The following IFT88 variants were observed in gnomAD, a reference collection of about 807,000 sequenced individuals.
IFT88 encodes intraflagellar transport 88, also known as intraflagellar transport protein 88 homolog.
Under a neutral mutation model 119.5 loss-of-function variants are expected in IFT88, and 74 were observed. The observed-to-expected ratio is 0.62, with a 90% CI of 0.51 to 0.75. The LOEUF (loss-of-function observed/expected upper bound fraction) is 0.75. IFT88 is among the 30% of genes least tolerant of loss of function. The pLI is 0.00. For missense variants in IFT88, 961 were observed against 977.7 expected (o/e 0.98, Z 0.23); for synonymous variants, 279 against 316.7 (o/e 0.88, Z 1.26).
intron 22 of IFT88, among the ~76,000 whole-genome samples, chr13:20,662,574 T>C (rs1417569999): frequency 6.6e-6 from 1 of 152,244 alleles, no homozygotes; most frequent in Non-Finnish European, 1.5e-5. Context: ...GTAACTTTTA[T>C]TTTTTGTTTT....
chr13:20,619,283 A>G (rs1240575145), intron 14 of IFT88, among the ~76,000 whole-genome samples: 1 of 152,258 alleles, frequency 6.6e-6, no homozygotes, highest in Non-Finnish European at 1.5e-5. Context: ...AATTTAAAGA[A>G]TAGAACATTG....
chr13:20,597,464 G>GC (rs2041842390), intron 9 of IFT88, among the ~76,000 whole-genome samples: 1 of 152,118 alleles, frequency 6.6e-6, no homozygotes, highest in South Asian at 2.1e-4. Flanking sequence ...AAAATATGTA[G>GC]CCGGGTGCCG....
At chr13:20,663,201 C>A in intron 22 of IFT88, 1 of 1,311,668 alleles carries the variant, frequency 7.6e-7, no homozygotes, top group Non-Finnish European at 9.9e-7. Context: ...AGAACATTAA[C>A]AAATGTTACA....
At chr13:20,657,722 G>A (rs920855879) in intron 22 of IFT88, among the ~76,000 whole-genome samples, 1 of 152,086 alleles carries the variant, frequency 6.6e-6, no homozygotes, top group Non-Finnish European at 1.5e-5. Context: ...GAGGTCAGGA[G>A]TTGAAGACCA....
chr13:20,588,369 T>C (rs888706727), intron 3 of IFT88, among the ~76,000 whole-genome samples: 8 of 152,202 alleles, frequency 5.3e-5, no homozygotes, highest in African/African-American at 1.7e-4. Context: ...GTGTGATATT[T>C]GCATTATATG....
chr13:20,674,956 A>T (rs976193326), intron 24 of IFT88, among the ~76,000 whole-genome samples: 4 of 151,296 alleles, frequency 2.6e-5, no homozygotes, highest in Non-Finnish European at 5.9e-5. Flanking sequence ...CTCGTGATCC[A>T]CCCGCCTCAG....
chr13:20,578,314 T>C (rs1279056920), intron 2 of IFT88, among the ~76,000 whole-genome samples: 1 of 150,726 alleles, frequency 6.6e-6, no homozygotes, highest in Non-Finnish European at 1.5e-5. Context: ...CCCAAAGTGC[T>C]GGGATTACAG....
intron 24 of IFT88, among the ~76,000 whole-genome samples, chr13:20,674,360 CAT>C (rs1005698460): frequency 7.9e-5 from 12 of 152,306 alleles, no homozygotes; most frequent in Admixed American, 2.0e-4. Flanking sequence ...ATCTGCTTCT[CAT>C]GTGTAGCTGT....
intron 16 of IFT88, among the ~76,000 whole-genome samples, chr13:20,636,330 C>T (rs1378943651): frequency 6.6e-6 from 1 of 152,170 alleles, no homozygotes; most frequent in Non-Finnish European, 1.5e-5. Context: ...AATCTTGTGC[C>T]ACCACAAGAA....
chr13:20,586,542 T>TA (rs11434787), intron 3 of IFT88, among the ~76,000 whole-genome samples: 127,037 of 152,062 alleles, frequency 0.84, 53,397 homozygotes, highest in East Asian at 1. Context: ...GACCTTGAGA[T>TA]CAGGAGAAAA....
At chr13:20,684,288 G>A (rs1325412262) in intron 24 of IFT88, among the ~76,000 whole-genome samples, 1 of 152,182 alleles carries the variant, frequency 6.6e-6, no homozygotes, top group Admixed American at 6.5e-5. Flanking sequence ...TTTGCCCAGT[G>A]TCCTCTGGAA....
chr13:20,586,679 C>T (rs2039725855), intron 3 of IFT88, among the ~76,000 whole-genome samples: 1 of 152,150 alleles, frequency 6.6e-6, no homozygotes, highest in Non-Finnish European at 1.5e-5. Flanking sequence ...TGGTCTTCCC[C>T]TCAGTTGGTT....
intron 13 of IFT88, among the ~76,000 whole-genome samples, chr13:20,614,717 G>A (rs1445086442): frequency 4.0e-5 from 6 of 151,856 alleles, no homozygotes; most frequent in Admixed American, 2.6e-4. Flanking sequence ...AATCTCTTAT[G>A]TTTTACAAAT....
At chr13:20,607,735 G>A (rs908908981) in intron 13 of IFT88, 7 of 757,020 alleles carry the variant, frequency 9.2e-6, no homozygotes, top group South Asian at 2.7e-5. Flanking sequence ...GGCTGTCAGC[G>A]GCTTCTGTAA....
intron 1 of IFT88, among the ~76,000 whole-genome samples, chr13:20,572,371 A>C (rs992319464): frequency 3.9e-5 from 6 of 152,004 alleles, no homozygotes; most frequent in African/African-American, 1.5e-4. Flanking sequence ...GATGTGCACC[A>C]CCATGCCCGG....
intron 2 of IFT88, among the ~76,000 whole-genome samples, chr13:20,581,503 A>G (rs1042225143): frequency 2.6e-5 from 4 of 152,200 alleles, no homozygotes; most frequent in African/African-American, 9.7e-5. Flanking sequence ...TACTTCATTC[A>G]AAAGTCTTTA....
intron 14 of IFT88, among the ~76,000 whole-genome samples, chr13:20,624,362 A>C (rs1303393444): frequency 6.6e-6 from 1 of 152,158 alleles, no homozygotes; most frequent in Non-Finnish European, 1.5e-5. Flanking sequence ...CTAGGAACCT[A>C]CACGTGTTCA....
chr13:20,627,802 A>G (rs1309883011), intron 15 of IFT88, among the ~76,000 whole-genome samples: 1 of 151,644 alleles, frequency 6.6e-6, no homozygotes, highest in Non-Finnish European at 1.5e-5. Flanking sequence ...ATGTTCATTA[A>G]GCAATAAACA....
chr13:20,611,380 T>G (rs1249805763), intron 13 of IFT88, among the ~76,000 whole-genome samples: 1 of 151,034 alleles, frequency 6.6e-6, no homozygotes, highest in Admixed American at 6.6e-5. Flanking sequence ...AATACAAAAA[T>G]TAGTCAGACA....
Sources: gnomAD v4.1 joint callset for allele counts (sites outside exome capture counted in the v4.1 genomes callset) on GRCh38, gnomAD v4.1.1 for gene constraint, MANE v1.5 for transcripts, NCBI Gene and HGNC (gene_info 2026-07-23, HGNC 2026-07-21) for gene names.